WDR72: variants seen among roughly 807,000 people sequenced by gnomAD.
WDR72 encodes the protein WD repeat domain 72.
Under a neutral mutation model 124.2 loss-of-function variants are expected in WDR72, and 120 were observed. The observed-to-expected ratio is 0.97, with a 90% CI of 0.83 to 1.12. The LOEUF (loss-of-function observed/expected upper bound fraction) is 1.12, where lower values mean the gene tolerates loss of function less well. Among genes scored for constraint, WDR72 ranks in the 50% most tolerant of loss-of-function variants. The pLI, the probability that WDR72 is intolerant of heterozygous loss-of-function variation, is 0.00. For missense variants in WDR72, 1,387 were observed against 1,278.8 expected, an observed-to-expected ratio of 1.08 and a Z score of -1.29; for synonymous variants, 452 against 441.7, an observed-to-expected ratio of 1.02 and a Z score of -0.29.
chr15:53,684,558 TA>T (rs1207065453), intron 13 of WDR72: 6 of 161,150 alleles, frequency 3.7e-5, no homozygotes, highest in African/African-American at 1.4e-4. Flanking sequence ...CGGAGGGTCC[TA>T]CGCCCATGGA....
At chr15:53,706,140 A>T (rs557685799) in intron 9 of WDR72, 66 bp from the exon 10 acceptor site, 1 of 1,537,342 alleles carries the variant, frequency 6.5e-7, no homozygotes, top group Admixed American at 1.7e-5. Context: ...ACTGTTTTTA[A>T]ATGGAGAAAC....
intron 13 of WDR72, among the ~76,000 whole-genome samples, chr15:53,672,374 A>C (rs2016026293): frequency 6.6e-6 from 1 of 152,016 alleles, no homozygotes; most frequent in Admixed American, 6.6e-5. Context: ...GACGAGCATA[A>C]ACCCCTGTTA....
intron 16 of WDR72, among the ~76,000 whole-genome samples, chr15:53,611,654 G>A (rs938362058): frequency 6.6e-6 from 1 of 152,018 alleles, no homozygotes. Flanking sequence ...AGGAAATGGG[G>A]TTAGGAATCA....
intron 3 of WDR72, among the ~76,000 whole-genome samples, chr15:53,721,661 C>G (rs1273399048): frequency 6.6e-6 from 1 of 152,188 alleles, no homozygotes; most frequent in Non-Finnish European, 1.5e-5. Flanking sequence ...TTTATACAAG[C>G]TGGACCTTGA....
chr15:53,695,694 G>A (rs1428658395), intron 13 of WDR72, among the ~76,000 whole-genome samples: 1 of 152,020 alleles, frequency 6.6e-6, no homozygotes, highest in African/African-American at 2.4e-5. Flanking sequence ...CCAAGAGTGT[G>A]TCCACCTACG....
chr15:53,720,374 AT>A (rs2140571427), intron 3 of WDR72, among the ~76,000 whole-genome samples: 1 of 152,296 alleles, frequency 6.6e-6, no homozygotes, highest in South Asian at 2.1e-4. Flanking sequence ...TATAAATATC[AT>A]TATGTCTTAT....
At chr15:53,521,711 ATTC>A (rs761814154) in intron 19 of WDR72, among the ~76,000 whole-genome samples, 1 of 152,102 alleles carries the variant, frequency 6.6e-6, no homozygotes, top group Admixed American at 6.6e-5. Flanking sequence ...AAGCTGATCT[ATTC>A]TTATCAAAAA....
At chr15:53,583,277 A>G (rs2012027237) in intron 18 of WDR72, among the ~76,000 whole-genome samples, 1 of 152,032 alleles carries the variant, frequency 6.6e-6, no homozygotes, top group Non-Finnish European at 1.5e-5. Context: ...AATTTTTTCA[A>G]AAGTAACCTG....
At chr15:53,714,949 T>C (rs559689934) in intron 5 of WDR72, among the ~76,000 whole-genome samples, 6 of 152,286 alleles carry the variant, frequency 3.9e-5, no homozygotes, top group East Asian at 1.9e-4. Context: ...AACTTGGTTA[T>C]AAAAACACAA....
chr15:53,730,723 C>A (rs1252294279), intron 2 of WDR72, among the ~76,000 whole-genome samples: 4 of 152,136 alleles, frequency 2.6e-5, no homozygotes, highest in Admixed American at 6.6e-5. Context: ...TTTTTACAGT[C>A]TCTTCTGTCC....
intron 1 of WDR72, among the ~76,000 whole-genome samples, chr15:53,738,337 T>C (rs1372358658): frequency 2.0e-5 from 3 of 151,986 alleles, no homozygotes; most frequent in East Asian, 1.9e-4. Flanking sequence ...AAACCATATA[T>C]ATTATAAAAA....
chr15:53,711,216 C>G (rs2017526495), intron 8 of WDR72, 120 bp downstream of exon 8: 7 of 1,455,928 alleles, frequency 4.8e-6, no homozygotes, highest in Non-Finnish European at 6.7e-6. Flanking sequence ...TCTTCTAGTG[C>G]CAAAGTTGTT....
intron 13 of WDR72, among the ~76,000 whole-genome samples, chr15:53,676,733 T>C (rs532615430): frequency 6.6e-6 from 1 of 152,334 alleles, no homozygotes; most frequent in East Asian, 1.9e-4. Context: ...TGAGTTTGCC[T>C]GGACTTCTAA....
chr15:53,634,926 T>C (rs1269402062), intron 14 of WDR72, among the ~76,000 whole-genome samples: 1 of 152,196 alleles, frequency 6.6e-6, no homozygotes, highest in African/African-American at 2.4e-5. Flanking sequence ...CATTCCACTT[T>C]TCCTGTCAGG....
chr15:53,720,406 G>A (rs763388744), intron 3 of WDR72, among the ~76,000 whole-genome samples: 2 of 152,066 alleles, frequency 1.3e-5, no homozygotes, highest in Non-Finnish European at 2.9e-5. Flanking sequence ...CAGCTTTGCT[G>A]GGTTTTGTCC....
At chr15:53,661,430 T>C (rs1175798895) in intron 14 of WDR72, among the ~76,000 whole-genome samples, 2 of 152,112 alleles carry the variant, frequency 1.3e-5, no homozygotes, top group African/African-American at 2.4e-5. Flanking sequence ...TGGAAACTGA[T>C]AGAGCTCATG....
Position 53,616,165 on chromosome 15 carries a change from T to C in WDR72, c.2041A>G (p.Ile681Val), listed in dbSNP as rs1003389639. 4.4e-6 allele frequency: 7 copies of C among 1,607,116 alleles called. No individual in the cohort carries two copies. In the African/African-American group the frequency reaches 5.4e-5, roughly 12 times the overall value. Reference protein sequence around the residue: ...KTKWSNVGFHILLFDLENLVE... With the variant: ...KTKWSNVGFHVLLFDLENLVE... ...AGGTTTTCCAGATCAAATAGAAGAA[T>C]ATGAAAGCCAACGTTACTCCATTTT... Residue 681 changes from isoleucine (I) to valine (V), a missense_variant, in exon 15 of 20, where the codon ATT becomes GTT. Coordinates refer to ENST00000360509, the MANE Select transcript of WDR72 (RefSeq NM_182758.4).
intron 14 of WDR72, among the ~76,000 whole-genome samples, chr15:53,626,787 A>G (rs1459985949): frequency 6.6e-6 from 1 of 152,290 alleles, no homozygotes; most frequent in Non-Finnish European, 1.5e-5. Flanking sequence ...TTAAAGGTGG[A>G]AGTGGTCACC....
intron 14 of WDR72, among the ~76,000 whole-genome samples, chr15:53,661,654 T>C (rs1469688693): frequency 1.3e-5 from 2 of 152,082 alleles, no homozygotes; most frequent in African/African-American, 2.4e-5. Context: ...GAAAACCACA[T>C]CTGTAATTTT....
Sources: allele counts gnomAD v4.1 joint callset (sites outside exome capture counted in the v4.1 genomes callset), GRCh38; gene constraint gnomAD v4.1.1; transcripts MANE v1.5; gene names NCBI Gene and HGNC (gene_info 2026-07-23, HGNC 2026-07-21).